Variants in ARL6IP6 observed in about 807,000 individuals in gnomAD.
ARL6IP6 encodes ADP-ribosylation factor-like protein 6-interacting protein 6.
ARL6IP6 carries 22 observed loss-of-function variants against 21.5 expected under a neutral mutation model. The observed-to-expected ratio is 1.02, with a 90% CI of 0.73 to 1.46. ARL6IP6 has a LOEUF of 1.46. Ranked by LOEUF, ARL6IP6 falls within the 40% of genes most tolerant of loss-of-function variation. The pLI is 0.00. For missense variants in ARL6IP6, 388 were observed against 299.8 expected (o/e 1.29, Z -2.17); for synonymous variants, 164 against 125.3 (o/e 1.31, Z -2.06).
At chr2:152,745,111 G>A (rs1700985812) in intron 3 of ARL6IP6, among the ~76,000 whole-genome samples, 1 of 152,094 alleles carries the variant, frequency 6.6e-6, no homozygotes, top group Non-Finnish European at 1.5e-5. Flanking sequence ...GAATTTCCTG[G>A]AACATTCAGG....
intron 2 of ARL6IP6, among the ~76,000 whole-genome samples, chr2:152,729,055 C>CAA (rs70974883): frequency 9.2e-4 from 108 of 117,216 alleles, no homozygotes; most frequent in South Asian, 3.9e-3. Flanking sequence ...GATTCCTTCT[C>CAA]AAAAAAAAAA....
At chr2:152,730,214 T>A (rs918456770) in intron 2 of ARL6IP6, among the ~76,000 whole-genome samples, 6 of 152,222 alleles carry the variant, frequency 3.9e-5, no homozygotes, top group African/African-American at 1.2e-4. Context: ...CTCAAGAATA[T>A]TCTTGTATTA....
chr2:152,753,041 A>C (rs1242368453), intron 3 of ARL6IP6, among the ~76,000 whole-genome samples: 1 of 151,934 alleles, frequency 6.6e-6, no homozygotes, highest in African/African-American at 2.4e-5. Context: ...GGGAGGCTGG[A>C]GTGGGAGGAT....
At chr2:152,732,855 G>A (rs1037735278) in intron 2 of ARL6IP6, among the ~76,000 whole-genome samples, 6 of 150,712 alleles carry the variant, frequency 4.0e-5, no homozygotes, top group African/African-American at 1.5e-4. Context: ...TACTGTATTG[G>A]TTTTGATTGG....
chr2:152,717,655 G>A (rs1449830772), upstream of ARL6IP6: 7 of 1,423,784 alleles, frequency 4.9e-6, no homozygotes, highest in South Asian at 1.5e-5. Context: ...GAGGAGGACG[G>A]AGGAAGTTTC....
intron 2 of ARL6IP6, among the ~76,000 whole-genome samples, chr2:152,721,979 T>G (rs957653365): frequency 6.6e-6 from 1 of 152,230 alleles, no homozygotes; most frequent in Non-Finnish European, 1.5e-5. Flanking sequence ...ATTAGGCTTC[T>G]CAGAGCTTTT....
At chr2:152,751,638 T>C (rs1443466951) in intron 3 of ARL6IP6, among the ~76,000 whole-genome samples, 1 of 152,242 alleles carries the variant, frequency 6.6e-6, no homozygotes, top group African/African-American at 2.4e-5. Flanking sequence ...ATATTTATCT[T>C]CTTATGCCTG....
intron 2 of ARL6IP6, among the ~76,000 whole-genome samples, chr2:152,733,664 A>T (rs1700426570): frequency 6.6e-6 from 1 of 152,084 alleles, no homozygotes; most frequent in African/African-American, 2.4e-5. Flanking sequence ...TTATTATTTC[A>T]TGTCAATTTT....
intron 3 of ARL6IP6, among the ~76,000 whole-genome samples, chr2:152,755,889 A>G (rs951652907): frequency 6.6e-6 from 1 of 152,210 alleles, no homozygotes; most frequent in Non-Finnish European, 1.5e-5. Context: ...CTACATGTGT[A>G]TATCTTTGGA....
rs67760283 is a variant in ARL6IP6 at position 152,746,001 on chromosome 2, C to CTT, written c.587+10907_587+10908dup. Among the ~76,000 whole-genome samples, 307 of 66,356 alleles carry CTT rather than the reference C, an allele frequency of 4.6e-3. 14 individuals carry two copies. Among genetic ancestry groups the CTT allele is most frequent in the African/African-American group, 0.026 (256 of 9,848 alleles). The allele number at this position is 66,356 out of a possible 152,430, so 43.5% of individuals were successfully genotyped here. ...CAGCTAATGAGTGCTTGCTTTGTAC[C>CTT]TTTTTTTTTTTTTTTTTTTTTTTTT... On this transcript the variant is annotated intron_variant, in intron 3 of 3. Transcript: ENST00000326446.
At chr2:152,723,431 A>C (rs1280798141) in intron 2 of ARL6IP6, among the ~76,000 whole-genome samples, 2 of 152,298 alleles carry the variant, frequency 1.3e-5, no homozygotes, top group African/African-American at 4.8e-5. Flanking sequence ...TGGCATACTT[A>C]TTATTGCCCA....
chr2:152,717,969 A>G (rs1404777523), upstream of ARL6IP6: 2 of 1,004,338 alleles, frequency 2.0e-6, no homozygotes, highest in Non-Finnish European at 2.4e-6. Context: ...GGTTCGGAGG[A>G]GAGGGTTCGA....
At position 152,750,452 on chromosome 2, in the gene ARL6IP6, G is replaced by A. The variant is rs577670003; in HGVS notation, c.588-9295G>A. 4.7e-4 allele frequency among the ~76,000 whole-genome samples: 70 copies of A among 150,074 alleles called. No individual in the cohort carries two copies. The South Asian group carries it at 0.014, about 29-fold the overall frequency. On this transcript the variant is annotated intron_variant, in intron 3 of 3. Transcript: ENST00000326446. ...GATCACACCACTGCACTCCAGACCA[G>A]GTGACAGAGCAAGACTCTGTCCAAA...
At chr2:152,741,451 A>G (rs1378652820) in intron 3 of ARL6IP6, among the ~76,000 whole-genome samples, 1 of 151,794 alleles carries the variant, frequency 6.6e-6, no homozygotes, top group African/African-American at 2.4e-5. Flanking sequence ...TGAGAAGACC[A>G]TATTTACTGT....
intron 3 of ARL6IP6, among the ~76,000 whole-genome samples, chr2:152,753,923 G>T (rs553478821): frequency 6.6e-6 from 1 of 151,658 alleles, no homozygotes; most frequent in Non-Finnish European, 1.5e-5. Context: ...AGATGGTCTC[G>T]ATCTCCTGAC....
At chr2:152,739,618 C>T (rs1416310077) in intron 3 of ARL6IP6, among the ~76,000 whole-genome samples, 5 of 152,310 alleles carry the variant, frequency 3.3e-5, no homozygotes, top group Admixed American at 2.0e-4. Context: ...CTGCACCCTC[C>T]AAACTATTTC....
Position 152,718,628 on chromosome 2 carries a change from T to G in ARL6IP6, c.4T>G (p.Ser2Ala). The part of the protein sequence containing the change: M[S>A]FAESGWRSAL... ...GGGTTTCGTTGTGTTTCGCGCCATG[T>G]CGTTTGCTGAGAGCGGGTGGCGGTC... Residue 2 changes from serine (S) to alanine (A), a missense_variant, in exon 1 of 4, where the codon TCG becomes GCG. Physicochemically the swap from Ser to Ala is moderately conservative, Grantham distance 99. Coordinates refer to ENST00000326446, the MANE Select transcript of ARL6IP6 (RefSeq NM_152522.7). The G allele has an allele frequency of 6.6e-7, 1 of 1,522,286 alleles. No homozygotes were observed. Among genetic ancestry groups the G allele is most frequent in the Non-Finnish European group, 8.8e-7 (1 of 1,134,252 alleles). The allele number at this position is 1,522,286 out of a possible 1,614,324, so 94.3% of individuals were successfully genotyped here. A position where few individuals can be genotyped will look rare whatever the true frequency, so the allele number is the denominator to read the frequency against.
intron 3 of ARL6IP6, among the ~76,000 whole-genome samples, chr2:152,743,842 T>C (rs1032341686): frequency 3.9e-5 from 6 of 152,200 alleles, no homozygotes; most frequent in Non-Finnish European, 8.8e-5. Flanking sequence ...AATCCAAAGC[T>C]TGGATTGTTG....
intron 3 of ARL6IP6, among the ~76,000 whole-genome samples, chr2:152,745,330 T>G (rs1438713629): frequency 1.3e-5 from 2 of 152,190 alleles, no homozygotes; most frequent in Admixed American, 1.3e-4. Context: ...ATTTGAAATT[T>G]CCAGCAGCAC....
Sources: gnomAD v4.1 joint callset for allele counts (sites outside exome capture counted in the v4.1 genomes callset) on GRCh38, gnomAD v4.1.1 for gene constraint, MANE v1.5 for transcripts, NCBI Gene and HGNC (gene_info 2026-07-23, HGNC 2026-07-21) for gene names.